Variants in MAK observed in about 807,000 individuals in gnomAD.
MAK encodes the protein male germ cell associated kinase.
A neutral mutation model predicts 82.6 loss-of-function variants in MAK; 65 were observed. The ratio of observed to expected loss-of-function variants is 0.79; its 90% CI spans 0.64 to 0.97. The LOEUF is 0.97. MAK is among the 50% of genes least tolerant of loss of function. MAK has a pLI of 0.00. For missense variants in MAK, 703 were observed against 780.2 expected, an observed-to-expected ratio of 0.90 and a Z score of 1.18; for synonymous variants, 250 against 274.2, an observed-to-expected ratio of 0.91 and a Z score of 0.87.
chr6:10,817,248 A>C (rs1777566799), intron 4 of MAK, among the ~76,000 whole-genome samples: 1 of 152,140 alleles, frequency 6.6e-6, no homozygotes, highest in Non-Finnish European at 1.5e-5. Context: ...AAAAGCAGGC[A>C]AAATGGATGT....
intron 4 of MAK, 35 bp from the exon 5 acceptor site, chr6:10,813,758 A>G: frequency 8.2e-7 from 1 of 1,213,540 alleles, no homozygotes. Flanking sequence ...AATTCTGTTA[A>G]GCAACCAGCC....
intron 4 of MAK, among the ~76,000 whole-genome samples, chr6:10,814,167 C>T (rs1195318381): frequency 6.6e-6 from 1 of 151,886 alleles, no homozygotes; most frequent in Admixed American, 6.6e-5. Flanking sequence ...CAGGGTTTCG[C>T]CATGTTGGTC....
intron 6 of MAK, among the ~76,000 whole-genome samples, chr6:10,806,385 G>C (rs1163824216): frequency 6.6e-6 from 1 of 151,098 alleles, no homozygotes; most frequent in African/African-American, 2.4e-5. Flanking sequence ...CTGGAGTGCA[G>C]TGGCGCGATC....
intron 4 of MAK, among the ~76,000 whole-genome samples, chr6:10,814,631 C>A (rs1004958730): frequency 5.3e-5 from 8 of 151,730 alleles, no homozygotes; most frequent in Admixed American, 5.3e-4. Context: ...CTGTGCCACT[C>A]CACTCCAGCC....
chr6:10,786,802 T>G (rs879353898), intron 10 of MAK, among the ~76,000 whole-genome samples: 3 of 116,968 alleles, frequency 2.6e-5, no homozygotes, highest in Non-Finnish European at 5.3e-5. Flanking sequence ...CTCCACTAAT[T>G]CACCAGTTCA....
rs57082378 is a variant in MAK, at chr6:10,777,408, C to CA, written c.1466-1950dup. On this transcript the variant is annotated intron_variant, in intron 11 of 14. Coordinates refer to ENST00000354489, the MANE Select transcript of MAK (RefSeq NM_001242957.3). ...CCTGGTCTACAGAGCAAGACTGTCA[C>CA]AAAAAAAAAAAAAAATGTATTTACC... Among the ~76,000 whole-genome samples the CA allele has an allele frequency of 1.2e-3, 169 of 137,798 alleles. 1 individual carries two copies. The highest frequency in any genetic ancestry group is 3.4e-3 in the African/African-American group (125 of 36,700). The allele number at this position is 137,798 out of a possible 152,430, so 90.4% of individuals were successfully genotyped here.
intron 10 of MAK, among the ~76,000 whole-genome samples, chr6:10,790,642 A>C (rs1774996315): frequency 6.6e-6 from 1 of 152,232 alleles, no homozygotes; most frequent in African/African-American, 2.4e-5. Context: ...TTAACTTGGC[A>C]CGTGGTGCTC....
intron 1 of MAK, among the ~76,000 whole-genome samples, chr6:10,833,076 C>T (rs945370930): frequency 2.0e-5 from 3 of 152,200 alleles, no homozygotes; most frequent in South Asian, 2.1e-4. Flanking sequence ...GGAGCACTTT[C>T]ATTTAAATCA....
Position 10,795,981 on chromosome 6 carries a change from C to T in MAK, c.1143+17G>A, listed in dbSNP as rs1775516706. 6.2e-7 allele frequency: 1 copy of T among 1,612,052 alleles called. No individual in the cohort carries two copies. Among genetic ancestry groups the T allele is most frequent in the Non-Finnish European group, 8.5e-7 (1 of 1,178,284 alleles). Reference sequence around the variant, plus strand: ...AGTCAAACTATTTCATTGCAAGTGTCATGACTGGCTACTCACAGTTGGCAT... The same window carrying T: ...AGTCAAACTATTTCATTGCAAGTGTTATGACTGGCTACTCACAGTTGGCAT... On this transcript the variant is annotated intron_variant, in intron 9 of 14. Transcript: ENST00000354489.
At chr6:10,828,734 A>T (rs1221129803) in intron 2 of MAK, among the ~76,000 whole-genome samples, 1 of 152,136 alleles carries the variant, frequency 6.6e-6, no homozygotes, top group Admixed American at 6.6e-5. Context: ...GGCTGAGGCT[A>T]TAGTGAGCTA....
At chr6:10,814,954 T>G (rs1030519575) in intron 4 of MAK, among the ~76,000 whole-genome samples, 2 of 151,914 alleles carry the variant, frequency 1.3e-5, no homozygotes, top group African/African-American at 4.8e-5. Flanking sequence ...GAAAAATCGC[T>G]TGAACCCGGA....
In MAK at chr6:10,826,098, C is replaced by T. The variant is rs181779295; in HGVS notation, c.101+4450G>A. On this transcript the variant is annotated intron_variant, in intron 2 of 14. Transcript: ENST00000354489. ...TTCACGACTTCACCTGCTAGCCTCA[C>T]GTCCCTCCTCTGCCCCACTCGTAAT... Among the ~76,000 whole-genome samples, 298 of 152,240 alleles carry T rather than the reference C, an allele frequency of 2.0e-3. 2 individuals carry two copies. The highest frequency in any genetic ancestry group is 7.0e-3 in the African/African-American group (289 of 41,554).
intron 6 of MAK, among the ~76,000 whole-genome samples, chr6:10,806,007 T>TC (rs1244292042): frequency 6.6e-6 from 1 of 152,114 alleles, no homozygotes; most frequent in Non-Finnish European, 1.5e-5. Flanking sequence ...CCAGGGCGGA[T>TC]CCCTCATGAA....
At chr6:10,815,489 G>A (rs184889622) in intron 4 of MAK, among the ~76,000 whole-genome samples, 452 of 152,140 alleles carry the variant, frequency 3.0e-3, no homozygotes, top group Non-Finnish European at 4.0e-3. Flanking sequence ...CAGGCATGGT[G>A]GCACGTGCCT....
chr6:10,806,003 C>T (rs965009076), intron 6 of MAK, among the ~76,000 whole-genome samples: 4 of 152,050 alleles, frequency 2.6e-5, no homozygotes, highest in African/African-American at 4.8e-5. Context: ...GTAACCAGGG[C>T]GGATCCCTCA....
chr6:10,783,099 G>A (rs941713112), intron 11 of MAK, among the ~76,000 whole-genome samples: 2 of 152,094 alleles, frequency 1.3e-5, no homozygotes, highest in Non-Finnish European at 1.5e-5. Context: ...TGGCCCACTC[G>A]TGTTTAGAAA....
chr6:10,805,033 CTGTG>C (rs1387117149), intron 6 of MAK, among the ~76,000 whole-genome samples: 1 of 124,520 alleles, frequency 8.0e-6, no homozygotes, highest in Non-Finnish European at 1.6e-5. Context: ...ACTGGGGTGC[CTGTG>C]TGGCCCCAGG....
At chr6:10,774,959 T>G (rs1428024665) in intron 12 of MAK, among the ~76,000 whole-genome samples, 1 of 152,218 alleles carries the variant, frequency 6.6e-6, no homozygotes, top group Non-Finnish European at 1.5e-5. Flanking sequence ...TACTCAAGAA[T>G]TAGTGGGAAA....
chr6:10,800,477 G>T lies in MAK; in HGVS notation c.831+1415C>A, dbSNP rs1775930495. On this transcript the variant is annotated intron_variant, in intron 8 of 14. Transcript: ENST00000354489. The surrounding 1 kb of genome is among the most constrained non-coding windows in gnomAD (Gnocchi z 4.2). The stretch of plus-strand genomic sequence containing the variant: ...TTATACCCGTGTTTTTTCACCTTGA[G>T]ATCAAATACACATGTATGCTTTCCT... Among the ~76,000 whole-genome samples, 1 of 151,334 alleles carries T rather than the reference G, an allele frequency of 6.6e-6. No homozygotes were observed. Among genetic ancestry groups the T allele is most frequent in the African/African-American group, 2.4e-5 (1 of 41,196 alleles).
Sources: allele counts gnomAD v4.1 joint callset (sites outside exome capture counted in the v4.1 genomes callset), GRCh38; gene constraint gnomAD v4.1.1; non-coding constraint Gnocchi (gnomAD v3.1); transcripts MANE v1.5; gene names NCBI Gene and HGNC (gene_info 2026-07-23, HGNC 2026-07-21).